CD47: variants seen among roughly 807,000 people sequenced by gnomAD.
CD47 encodes leukocyte surface antigen CD47.
A neutral mutation model predicts 44.6 loss-of-function variants in CD47; 11 were observed. That is an observed-to-expected ratio of 0.25 (90% CI 0.16 to 0.41). CD47 has a LOEUF of 0.41. CD47 is among the 10% of genes least tolerant of loss of function. CD47 has a pLI of 1.00. For synonymous variants in CD47, 140 were observed against 136.3 expected (o/e 1.03, Z -0.19); for missense variants, 306 against 386.7 (o/e 0.79, Z 1.75).
At chr3:108,081,659 C>CTAAAA (rs2079420781) in intron 1 of CD47, among the ~76,000 whole-genome samples, 1 of 151,910 alleles carries the variant, frequency 6.6e-6, no homozygotes, top group African/African-American at 2.4e-5. Flanking sequence ...GGTTTACTCT[C>CTAAAA]TAAAATAGGA....
chr3:108,060,667 G>T (rs1211663781), intron 4 of CD47, 78 bp downstream of exon 4: 3 of 923,032 alleles, frequency 3.3e-6, no homozygotes, highest in Non-Finnish European at 5.3e-6. Context: ...ACAGCCCTAG[G>T]AAACTAATGC....
intron 7 of CD47, chr3:108,055,460 C>T: frequency 1.0e-6 from 1 of 954,622 alleles, no homozygotes; most frequent in South Asian, 1.4e-5. Context: ...ATTATATAAG[C>T]AAACCATATT....
At chr3:108,067,501 A>G (rs952391537) in intron 3 of CD47, among the ~76,000 whole-genome samples, 1 of 152,242 alleles carries the variant, frequency 6.6e-6, no homozygotes, top group East Asian at 1.9e-4. Flanking sequence ...AGCACTTAAA[A>G]TGATATCAGA....
intron 7 of CD47, among the ~76,000 whole-genome samples, chr3:108,056,489 A>C (rs1260790767): frequency 6.6e-6 from 1 of 152,210 alleles, no homozygotes; most frequent in Non-Finnish European, 1.5e-5. Context: ...AAATTATTTG[A>C]CTATAACAAT....
chr3:108,058,255 A>C (rs1212114144), intron 6 of CD47, 82 bp downstream of exon 6: 1 of 811,752 alleles, frequency 1.2e-6, no homozygotes, highest in Admixed American at 3.6e-5. Flanking sequence ...ATATTTTTAA[A>C]AAGAGAGAAA....
At chr3:108,066,639 T>C (rs549381393) in intron 3 of CD47, among the ~76,000 whole-genome samples, 33 of 152,240 alleles carry the variant, frequency 2.2e-4, no homozygotes, top group African/African-American at 7.9e-4. Flanking sequence ...CATTTTATAA[T>C]GGATAAATCA....
In CD47 at chr3:108,080,316, T is replaced by G; in HGVS notation, c.75A>C (p.Thr25=). The change falls in exon 2 of 11, where the codon ACA becomes ACC. Residue 25 remains threonine, a synonymous_variant. Coordinates refer to ENST00000361309, the MANE Select transcript of CD47 (RefSeq NM_001777.4). The part of the protein sequence containing the change: ...CGSAQLLFNK[T]KSVEFTFCND... ...TACAAAACGTGAATTCTACAGATTT[T>G]GTTTTATTAAATAGTAGCTGAGCTG... 2 of 1,607,478 alleles carry G rather than the reference T, an allele frequency of 1.2e-6. No homozygotes were observed. Among genetic ancestry groups the G allele is most frequent in the Non-Finnish European group, 1.7e-6 (2 of 1,175,364 alleles).
At chr3:108,053,834 T>C (rs2078869036) in intron 7 of CD47, 1 of 152,118 alleles carries the variant, frequency 6.6e-6, no homozygotes, top group South Asian at 2.1e-4. Context: ...CTTTTTAAAG[T>C]AGAACAGGGT....
intron 1 of CD47, among the ~76,000 whole-genome samples, chr3:108,087,155 C>T (rs1365783658): frequency 1.3e-5 from 2 of 152,106 alleles, no homozygotes; most frequent in Admixed American, 1.3e-4. Context: ...AGACACATGC[C>T]AGAAAGCAAT....
chr3:108,069,504 C>CA (rs1284163436), intron 3 of CD47, among the ~76,000 whole-genome samples: 1 of 139,904 alleles, frequency 7.1e-6, no homozygotes, highest in East Asian at 2.0e-4. Context: ...TTGGGGACTA[C>CA]AGATGAGTTT....
intron 3 of CD47, among the ~76,000 whole-genome samples, chr3:108,066,061 C>T (rs932240131): frequency 1.3e-5 from 2 of 151,876 alleles, no homozygotes; most frequent in Non-Finnish European, 2.9e-5. Context: ...GCTTTCATGG[C>T]TGAATTACTT....
At chr3:108,088,867 A>G (rs1409515402) in intron 1 of CD47, among the ~76,000 whole-genome samples, 3 of 152,246 alleles carry the variant, frequency 2.0e-5, no homozygotes, top group Non-Finnish European at 4.4e-5. Flanking sequence ...ATTGCATGAA[A>G]TGAGTATCTG....
At chr3:108,052,005 TAAATG>T (rs762403608) in intron 7 of CD47, 35 bp from the exon 8 acceptor site, 9 of 1,016,646 alleles carry the variant, frequency 8.9e-6, no homozygotes, top group Non-Finnish European at 3.0e-6. Context: ...ATAAATTTAA[TAAATG>T]AAATAAACTA....
Position 108,058,351 on chromosome 3 carries a change from C to G in CD47, c.770G>C (p.Ser257Thr), listed in dbSNP as rs1188363393. The change falls in exon 6 of 11, where the codon AGT (serine) becomes ACT (threonine). Residue 257 changes from serine to threonine, a missense_variant. By Grantham distance (58) the Ser-to-Thr change is moderately conservative. Transcript: ENST00000361309. ...IAYILAVVGL[S>T]LCIAACIPMH... ...ATGACTCTTACCCGCAATACAGAGA[C>G]TCAGTCCAACCACAGCGAGGATATA... The G allele has an allele frequency of 6.4e-7, 1 of 1,559,892 alleles. No homozygotes were observed. The highest frequency in any genetic ancestry group is 8.7e-7 in the Non-Finnish European group (1 of 1,149,900).
Position 108,090,895 on chromosome 3 carries a change from A to G in CD47, c.14T>C (p.Val5Ala). Residue 5 changes from valine to alanine, a missense_variant, in exon 1 of 11, where the codon GTA becomes GCA. Coordinates refer to ENST00000361309, the MANE Select transcript of CD47 (RefSeq NM_001777.4). MWPL[V>A]AALLLGSACC... ...CGCCGAGCCCAGCAACAGCGCCGCT[A>G]CCAGGGGCCACATCTCCGCGCCCGC... The G allele has an allele frequency of 6.7e-7, 1 of 1,488,900 alleles. No individual in the cohort carries two copies. Among genetic ancestry groups the G allele is most frequent in the East Asian group, 2.8e-5 (1 of 35,480 alleles). The allele number at this position is 1,488,900 out of a possible 1,614,324, so 92.2% of individuals were successfully genotyped here.
intron 9 of CD47, 95 bp from the exon 10 acceptor site, chr3:108,049,746 T>A (rs997009331): frequency 1.5e-5 from 12 of 797,090 alleles, no homozygotes; most frequent in Non-Finnish European, 2.7e-5. Flanking sequence ...TGCTAACTAG[T>A]CTACAACTCT....
At chr3:108,090,805 C>A in intron 1 of CD47, 58 bp downstream of exon 1, 5 of 1,429,898 alleles carry the variant, frequency 3.5e-6, no homozygotes, top group Non-Finnish European at 4.6e-6. Context: ...GCGCAGCCCA[C>A]ACGCCCGCGG....
At chr3:108,066,151 G>T (rs1343187559) in intron 3 of CD47, among the ~76,000 whole-genome samples, 4 of 151,396 alleles carry the variant, frequency 2.6e-5, no homozygotes, top group Non-Finnish European at 5.9e-5. Context: ...TTTTTTCCTT[G>T]AATTTTCTAA....
intron 1 of CD47, among the ~76,000 whole-genome samples, chr3:108,083,896 CT>C (rs34994254): frequency 0.49 from 68,174 of 137,824 alleles, 17,044 homozygotes; most frequent in Non-Finnish European, 0.61. Flanking sequence ...CTATCCACAC[CT>C]TTTTTTTTTT....
Sources: allele counts gnomAD v4.1 joint callset (sites outside exome capture counted in the v4.1 genomes callset), GRCh38; gene constraint gnomAD v4.1.1; transcripts MANE v1.5; gene names NCBI Gene and HGNC (gene_info 2026-07-23, HGNC 2026-07-21).